WWOX: variants seen among roughly 807,000 people sequenced by gnomAD.
WWOX encodes the protein WW domain-containing oxidoreductase.
A neutral mutation model predicts 46.2 loss-of-function variants in WWOX; 69 were observed. That is an observed-to-expected ratio of 1.49 (90% CI 1.23 to 1.82). WWOX has a LOEUF of 1.82. Ranked by LOEUF, WWOX falls within the 40% of genes most tolerant of loss-of-function variation. The pLI is 0.00. For synonymous variants in WWOX, 359 were observed against 202.6 expected, an observed-to-expected ratio of 1.77 and a Z score of -6.56; for missense variants, 919 against 542.6, an observed-to-expected ratio of 1.69 and a Z score of -6.89.
intron 8 of WWOX, among the ~76,000 whole-genome samples, chr16:78,820,987 C>A (rs1314550241): frequency 6.6e-6 from 1 of 152,156 alleles, no homozygotes; most frequent in Non-Finnish European, 1.5e-5. Flanking sequence ...GGACTTAGGA[C>A]CCACCTAATT....
chr16:78,458,159 G>C (rs1266293295), intron 8 of WWOX, among the ~76,000 whole-genome samples: 1 of 151,534 alleles, frequency 6.6e-6, no homozygotes. Context: ...ATGTGAAGGT[G>C]TGTTCCATGA....
chr16:78,904,080 A>G (rs921503265), intron 8 of WWOX, among the ~76,000 whole-genome samples: 2 of 152,156 alleles, frequency 1.3e-5, no homozygotes, highest in Non-Finnish European at 2.9e-5. Flanking sequence ...TACAAAAGGG[A>G]TCAGGGTCCA....
chr16:78,625,952 A>G (rs1289880910), intron 8 of WWOX, among the ~76,000 whole-genome samples: 5 of 151,442 alleles, frequency 3.3e-5, no homozygotes, highest in African/African-American at 1.2e-4. Flanking sequence ...AAGTAATCGC[A>G]GTTTTTGCCA....
chr16:78,862,063 T>C (rs150505427), intron 8 of WWOX, among the ~76,000 whole-genome samples: 2 of 152,216 alleles, frequency 1.3e-5, no homozygotes, highest in East Asian at 1.9e-4. Context: ...TAGAGAGAGA[T>C]ATATGCATAT....
chr16:78,211,687 C>T (rs974165013), intron 5 of WWOX, among the ~76,000 whole-genome samples: 1 of 152,096 alleles, frequency 6.6e-6, no homozygotes, highest in African/African-American at 2.4e-5. Flanking sequence ...AGAAGTGGTT[C>T]CAGAAGGAAG....
chr16:79,117,630 C>A (rs942269834), intron 8 of WWOX, among the ~76,000 whole-genome samples: 7 of 152,246 alleles, frequency 4.6e-5, no homozygotes, highest in African/African-American at 1.7e-4. Context: ...CAACAGAAAG[C>A]TGTTTTGTCT....
intron 8 of WWOX, among the ~76,000 whole-genome samples, chr16:78,502,449 T>G (rs2085093351): frequency 6.6e-6 from 1 of 152,242 alleles, no homozygotes. Context: ...AGTCGTCTCT[T>G]GTGTCTGGTT....
At chr16:78,738,972 G>T (rs930335905) in intron 8 of WWOX, among the ~76,000 whole-genome samples, 1 of 152,132 alleles carries the variant, frequency 6.6e-6, no homozygotes, top group Non-Finnish European at 1.5e-5. Flanking sequence ...ATTTAGTCCT[G>T]GCCCTAGGAA....
intron 8 of WWOX, among the ~76,000 whole-genome samples, chr16:78,894,716 G>T (rs1001402909): frequency 1.3e-5 from 2 of 152,158 alleles, no homozygotes; most frequent in Admixed American, 6.5e-5. Context: ...AGCATGGAAG[G>T]CCACGTTGCA....
At chr16:78,671,129 A>G (rs2081174) in intron 8 of WWOX, among the ~76,000 whole-genome samples, 64,689 of 152,114 alleles carry the variant, frequency 0.43, 16,851 homozygotes, top group Admixed American at 0.57. Flanking sequence ...GTGAAAGAAT[A>G]AATTGCTGTT....
Position 78,710,486 on chromosome 16 carries a change from A to ATATATATATATATATATATATATATATT in WWOX, c.1056+277747_1056+277748insATATATATATATATTTATATATATATAT, listed in dbSNP as rs1303049001. Among the ~76,000 whole-genome samples the ATATATATATATATATATATATATATATT allele has an allele frequency of 4.9e-4, 62 of 127,292 alleles. 1 individual carries two copies. Among genetic ancestry groups the ATATATATATATATATATATATATATATT allele is most frequent in the Non-Finnish European group, 6.9e-4 (42 of 60,462 alleles). The allele number at this position is 127,292 out of a possible 152,430, so 83.5% of individuals were successfully genotyped here. A position where few individuals can be genotyped will look rare whatever the true frequency, so the allele number is the denominator to read the frequency against. ...GCTAATGGATCTCATATATATATAT[A>ATATATATATATATATATATATATATATT]TATATATATATATTTATATAAATAT... On this transcript the variant is annotated intron_variant, in intron 8 of 8. Transcript: ENST00000566780.
At chr16:78,352,342 G>A (rs939793529) in intron 5 of WWOX, among the ~76,000 whole-genome samples, 1 of 152,220 alleles carries the variant, frequency 6.6e-6, no homozygotes, top group African/African-American at 2.4e-5. Flanking sequence ...TTGGAGGTCA[G>A]TGGTCCAAAA....
intron 5 of WWOX, among the ~76,000 whole-genome samples, chr16:78,224,403 TAA>T (rs56953728): frequency 2.1e-5 from 3 of 141,610 alleles, no homozygotes; most frequent in Non-Finnish European, 1.6e-5. Flanking sequence ...CTTTAAAAAT[TAA>T]AAAAAAAAAA....
intron 5 of WWOX, among the ~76,000 whole-genome samples, chr16:78,378,194 T>C (rs1213325411): frequency 6.6e-6 from 1 of 151,844 alleles, no homozygotes; most frequent in South Asian, 2.1e-4. Flanking sequence ...TGTTTTAAAA[T>C]GTGGAATCAT....
chr16:78,385,501 A>T (rs2052576718), intron 5 of WWOX, among the ~76,000 whole-genome samples: 1 of 152,210 alleles, frequency 6.6e-6, no homozygotes, highest in Admixed American at 6.5e-5. Context: ...CAACAGTGTT[A>T]AATGGTCCAG....
chr16:78,118,726 AG>A (rs1567581463), intron 4 of WWOX, among the ~76,000 whole-genome samples: 1 of 152,162 alleles, frequency 6.6e-6, no homozygotes, highest in African/African-American at 2.4e-5. Context: ...TAGATACTCC[AG>A]TTCATTGAAA....
At chr16:78,441,423 A>G (rs544875610) in intron 8 of WWOX, among the ~76,000 whole-genome samples, 26 of 152,316 alleles carry the variant, frequency 1.7e-4, no homozygotes, top group African/African-American at 6.0e-4. Flanking sequence ...AAGGGATTAT[A>G]GTTTAGAATG....
intron 6 of WWOX, among the ~76,000 whole-genome samples, chr16:78,390,665 A>G (rs967149018): frequency 6.6e-6 from 1 of 152,224 alleles, no homozygotes; most frequent in Non-Finnish European, 1.5e-5. Context: ...TAGTACTTGC[A>G]GGTCTTTCGA....
intron 5 of WWOX, among the ~76,000 whole-genome samples, chr16:78,347,931 C>T (rs1320379406): frequency 8.2e-6 from 1 of 122,048 alleles, no homozygotes; most frequent in African/African-American, 2.8e-5. Context: ...TGGTCTTATT[C>T]TGTTTAACGG....
Sources: gnomAD v4.1 joint callset for allele counts (sites outside exome capture counted in the v4.1 genomes callset) on GRCh38, gnomAD v4.1.1 for gene constraint, MANE v1.5 for transcripts, NCBI Gene and HGNC (gene_info 2026-07-23, HGNC 2026-07-21) for gene names.